Variants in ASB16 observed in about 807,000 individuals in gnomAD.
ASB16 encodes ankyrin repeat and SOCS box protein 16.
ASB16 carries 44 observed loss-of-function variants against 39.1 expected under a neutral mutation model. The observed-to-expected ratio is 1.13, with a 90% CI of 0.88 to 1.45. The LOEUF is 1.45. Ranked by LOEUF, ASB16 falls within the 40% of genes most tolerant of loss-of-function variation. ASB16 has a pLI of 0.00. For synonymous variants in ASB16, 305 were observed against 286.7 expected (o/e 1.06, Z -0.64); for missense variants, 698 against 634.5 (o/e 1.10, Z -1.07).
intron 3 of ASB16, 114 bp from the exon 4 acceptor site, chr17:44,177,495 A>T: frequency 7.4e-7 from 1 of 1,353,660 alleles, no homozygotes; most frequent in South Asian, 1.4e-5. Context: ...GGGAAGAGAG[A>T]CTCAGACCTT....
At chr17:44,176,252 G>GGAGGCA (rs1192457248) in intron 2 of ASB16, 1 of 165,836 alleles carries the variant, frequency 6.0e-6, no homozygotes, top group Admixed American at 5.7e-5. Flanking sequence ...CAGCTACTTG[G>GGAGGCA]GAGGCAGAGG....
At position 44,176,661 on chromosome 17, in the gene ASB16, C is replaced by G. The variant is rs1323816491; in HGVS notation, c.570-77C>G. 2.5e-6 allele frequency: 4 copies of G among 1,608,288 alleles called. No individual in the cohort carries two copies. In the African/African-American group the frequency reaches 5.3e-5, roughly 22 times the overall value. Reference sequence around the variant, plus strand: ...CCTCAAGCTGAGAGGGGTGGAAAGGCAAGGGAGTGTCACAGCAAGCTGAAG... The same window carrying G: ...CCTCAAGCTGAGAGGGGTGGAAAGGGAAGGGAGTGTCACAGCAAGCTGAAG... On this transcript the variant is annotated intron_variant, in intron 2 of 4. Transcript: ENST00000293414.
At chr17:44,174,378 G>T (rs1167591658) in intron 2 of ASB16, among the ~76,000 whole-genome samples, 1 of 151,954 alleles carries the variant, frequency 6.6e-6, no homozygotes, top group Non-Finnish European at 1.5e-5. Flanking sequence ...ATTATTTTTA[G>T]TAGAGACATA....
intron 4 of ASB16, 38 bp downstream of exon 4, chr17:44,177,760 G>T: frequency 6.2e-7 from 1 of 1,605,416 alleles, no homozygotes; most frequent in South Asian, 1.1e-5. Context: ...GAGGAGGGAC[G>T]AGCCACAGGC....
At chr17:44,174,035 C>CTTTTTT (rs1567730931) in intron 2 of ASB16, among the ~76,000 whole-genome samples, 1 of 127,790 alleles carries the variant, frequency 7.8e-6, no homozygotes, top group Non-Finnish European at 1.6e-5. Context: ...CCACACCTGG[C>CTTTTTT]TATTTTTTTT....
At position 44,176,773 on chromosome 17, in the gene ASB16, T is replaced by C. The variant is rs1567731948; in HGVS notation, c.605T>C (p.Val202Ala). 1 of 1,613,782 alleles carries C rather than the reference T, an allele frequency of 6.2e-7. No individual in the cohort carries two copies. Among genetic ancestry groups the C allele is most frequent in the South Asian group, 1.1e-5 (1 of 91,040 alleles). ...TTGCTGCTGGAAGCAGGAGCGACGG[T>C]GAACCTGGCAGCAGGCGAGAGCCAG... is the stretch of plus-strand genomic sequence containing the variant. ...AKLLLEAGAT[V>A]NLAAGESQET... Residue 202 changes from valine (V) to alanine (A), a missense_variant, in exon 3 of 5, where the codon GTG becomes GCG. Coordinates refer to ENST00000293414, the MANE Select transcript of ASB16 (RefSeq NM_080863.5).
intron 2 of ASB16, among the ~76,000 whole-genome samples, chr17:44,173,956 C>T (rs56982793): frequency 0.014 from 2,168 of 151,940 alleles, 41 homozygotes; most frequent in African/African-American, 0.05. Flanking sequence ...CTTGCAGCCT[C>T]GATCTCCTGG....
At chr17:44,177,861 T>C in intron 4 of ASB16, 139 bp downstream of exon 4, 5 of 1,265,482 alleles carry the variant, frequency 4.0e-6, no homozygotes, top group Non-Finnish European at 5.4e-6. Context: ...GGTTTCAGGG[T>C]ACCCCCTCCC....
chr17:44,171,084 G>T lies in ASB16; in HGVS notation c.295G>T (p.Glu99Ter). Residue 99 changes from glutamate to a stop codon, truncating the protein, a stop_gained, in exon 1 of 5, where the codon GAA becomes TAA. Coordinates refer to ENST00000293414, the MANE Select transcript of ASB16 (RefSeq NM_080863.5). LOFTEE classifies it high-confidence loss of function. ...GAGCAACCAGCTGGCCTGGTCGGCTGAACAGGGTAGGGGGCACCAGAAGAG... is the reference window on the plus strand; with the variant it reads ...GAGCAACCAGCTGGCCTGGTCGGCTTAACAGGGTAGGGGGCACCAGAAGAG... Reference protein sequence around the residue: ...TVSNQLAWSAEQGFWVLTPKT... With the variant: ...TVSNQLAWSA 1.9e-6 allele frequency: 3 copies of T among 1,613,428 alleles called. No individual in the cohort carries two copies. The highest frequency in any genetic ancestry group is 3.3e-5 in the Admixed American group (2 of 59,986).
Position 44,178,441 on chromosome 17 carries a change from C to A in ASB16, c.*51C>A. 1 of 1,497,732 alleles carries A rather than the reference C, an allele frequency of 6.7e-7. No individual in the cohort carries two copies. The highest frequency in any genetic ancestry group is 1.4e-5 in the African/African-American group (1 of 72,322). 92.8% of individuals were successfully genotyped at this position (1,497,732 alleles called of 1,614,324 possible). ...GTGTTCTGCCCCTCCCACCTGTCCC[C>A]GCCTCCAACTGCGGAGGACCAGTTC... On this transcript the variant is annotated 3_prime_UTR_variant, in exon 5 of 5. Transcript: ENST00000293414.
chr17:44,172,014 C>T lies in ASB16; in HGVS notation c.302-32C>T, dbSNP rs780543313. 2.2e-5 allele frequency: 35 copies of T among 1,595,946 alleles called. No individual in the cohort carries two copies. In the South Asian group the frequency reaches 2.9e-4, roughly 13 times the overall value. On this transcript the variant is annotated intron_variant, in intron 1 of 4. Coordinates refer to ENST00000293414, the MANE Select transcript of ASB16 (RefSeq NM_080863.5). ...ACTCCCTGCCCTGCCCTGTCTTATA[C>T]ACCACCTCCCAAAACTATTTGCTCT...
chr17:44,172,348 A>AAT, intron 2 of ASB16, 35 bp downstream of exon 2: 1 of 1,559,900 alleles, frequency 6.4e-7, no homozygotes, highest in Non-Finnish European at 8.6e-7. Flanking sequence ...TTTGGGGAGA[A>AAT]ATGTGTGTGT....
chr17:44,177,268 G>T (rs771006525), intron 3 of ASB16, 38 bp downstream of exon 3: 10 of 1,493,912 alleles, frequency 6.7e-6, no homozygotes, highest in Non-Finnish European at 8.9e-6. Flanking sequence ...GCTCCTGTGT[G>T]GGGGAGCCCG....
At position 44,177,201 on chromosome 17, in the gene ASB16, G is replaced by C; in HGVS notation, c.1033G>C (p.Asp345His). 6.5e-7 allele frequency: 1 copy of C among 1,542,020 alleles called. No individual in the cohort carries two copies. Among genetic ancestry groups the C allele is most frequent in the Non-Finnish European group, 8.7e-7 (1 of 1,144,442 alleles). Reference protein sequence around the residue: ...EPEVLFAALLDYGAQPVRPEM... With the variant: ...EPEVLFAALLHYGAQPVRPEM... Reference sequence around the variant, plus strand: ...TGAAGTCCTTTTCGCCGCACTGCTGGACTACGGGGCGCAGCCAGTGCGCCC... The same window carrying C: ...TGAAGTCCTTTTCGCCGCACTGCTGCACTACGGGGCGCAGCCAGTGCGCCC... The change falls in exon 3 of 5, where the codon GAC (aspartate) becomes CAC (histidine). Residue 345 changes from aspartate (D) to histidine (H), a missense_variant. Physicochemically the swap from Asp to His is moderately conservative, Grantham distance 81. Transcript: ENST00000293414.
chr17:44,171,047 T>A lies in ASB16; in HGVS notation c.258T>A (p.Ile86=), dbSNP rs542752674. 6.2e-7 allele frequency: 1 copy of A among 1,613,850 alleles called. No individual in the cohort carries two copies. The highest frequency in any genetic ancestry group is 1.1e-5 in the South Asian group (1 of 91,066). Residue 86 remains isoleucine, a synonymous_variant, in exon 1 of 5, where the codon ATT becomes ATA. Coordinates refer to ENST00000293414, the MANE Select transcript of ASB16 (RefSeq NM_080863.5). ...LFQDEEAANM[I]VETVSNQLAW... is the part of the protein sequence containing the mutation. ...AAGATGAAGAGGCCGCCAACATGAT[T>A]GTGGAGACTGTGAGCAACCAGCTGG...
chr17:44,170,871 C>T lies in ASB16; in HGVS notation c.82C>T (p.Arg28Trp), dbSNP rs144229400. 1.7e-5 allele frequency: 28 copies of T among 1,611,024 alleles called. No homozygotes were observed. Among genetic ancestry groups the T allele is most frequent in the Admixed American group, 3.3e-5 (2 of 59,942 alleles). The change falls in exon 1 of 5, where the codon CGG becomes TGG. Residue 28 changes from arginine to tryptophan, a missense_variant. Coordinates refer to ENST00000293414, the MANE Select transcript of ASB16 (RefSeq NM_080863.5). ...GCAGGAGTGGCTGGAATGGGAGGAC[C>T]GGCGGCGGGCGGCTGCCCAGCAGTG... ...LQQEWLEWED[R>W]RRAAAQQCRS... is the part of the protein sequence containing the mutation.
At position 44,172,100 on chromosome 17, in the gene ASB16, C is replaced by G. The variant is rs2054247499; in HGVS notation, c.356C>G (p.Thr119Arg). 1 of 1,611,942 alleles carries G rather than the reference C, an allele frequency of 6.2e-7. No individual in the cohort carries two copies. The change falls in exon 2 of 5, where the codon ACA (threonine) becomes AGA (arginine). Residue 119 changes from threonine (T) to arginine (R), a missense_variant. Coordinates refer to ENST00000293414, the MANE Select transcript of ASB16 (RefSeq NM_080863.5). ...CAGACGGCACCCCTCGCCATCGCTA[C>G]AGCCCGAGGCTACACAGACTGTGCT... ...TKQTAPLAIATARGYTDCARH... is the reference protein window; with the variant it reads ...TKQTAPLAIARARGYTDCARH...
At position 44,174,544 on chromosome 17, in the gene ASB16, G is replaced by T. The variant is rs1251522497; in HGVS notation, c.570-2194G>T. On this transcript the variant is annotated intron_variant, in intron 2 of 4. Coordinates refer to ENST00000293414, the MANE Select transcript of ASB16 (RefSeq NM_080863.5). ...AGTTTCTTGGAGTCCCTGCATGAGG[G>T]TATTTGCACTTTCACAATCAGGTCA... Among the ~76,000 whole-genome samples the T allele has an allele frequency of 2.6e-5, 4 of 152,014 alleles. No individual in the cohort carries two copies. The East Asian group carries it at 7.7e-4, about 29-fold the overall frequency.
intron 2 of ASB16, among the ~76,000 whole-genome samples, chr17:44,174,390 ACT>A (rs2054269789): frequency 6.6e-6 from 1 of 150,644 alleles, no homozygotes; most frequent in Non-Finnish European, 1.5e-5. Context: ...AGAGACATAG[ACT>A]CTCTATGTGG....
Sources: gnomAD v4.1 joint callset for allele counts (sites outside exome capture counted in the v4.1 genomes callset) on GRCh38, gnomAD v4.1.1 for gene constraint, MANE v1.5 for transcripts, NCBI Gene and HGNC (gene_info 2026-07-23, HGNC 2026-07-21) for gene names.